FHDC1: variants seen among roughly 807,000 people sequenced by gnomAD.
FHDC1 encodes the protein FH2 domain containing 1.
A neutral mutation model predicts 52.6 loss-of-function variants in FHDC1; 25 were observed. The observed-to-expected ratio is 0.48, with a 90% CI of 0.35 to 0.66. FHDC1 has a LOEUF of 0.66. Among genes scored for constraint, FHDC1 ranks in the 30% least tolerant of loss-of-function variants. The probability of loss-of-function intolerance (pLI) is 0.01; values close to 1 mark genes in which losing one functional copy is unlikely to be tolerated. For synonymous variants in FHDC1, 616 were observed against 581.5 expected, an observed-to-expected ratio of 1.06 and a Z score of -0.85; for missense variants, 1,459 against 1,452.8, an observed-to-expected ratio of 1.00 and a Z score of -0.07.
intron 2 of FHDC1, among the ~76,000 whole-genome samples, chr4:152,948,612 C>T (rs1441914044): frequency 6.6e-6 from 1 of 152,012 alleles, no homozygotes; most frequent in Non-Finnish European, 1.5e-5. Flanking sequence ...ACCACCACGC[C>T]CAGCTAATTT....
chr4:152,960,729 T>C lies in FHDC1; in HGVS notation c.750-15T>C, dbSNP rs1162357741. The C allele has an allele frequency of 6.2e-7, 1 of 1,609,298 alleles. No individual in the cohort carries two copies. The highest frequency in any genetic ancestry group is 1.7e-5 in the Admixed American group (1 of 59,532). On this transcript the variant is annotated splice_polypyrimidine_tract_variant and intron_variant, in intron 5 of 11. Coordinates refer to ENST00000511601, the MANE Select transcript of FHDC1 (RefSeq NM_001371116.1). Reference sequence around the variant, plus strand: ...ATGACATCAAATTCTACAGTTTTACTTTTTTATTTTTCAGCTATTCACTTC... The same window carrying C: ...ATGACATCAAATTCTACAGTTTTACCTTTTTATTTTTCAGCTATTCACTTC...
At chr4:152,933,234 G>C (rs995237357), upstream of FHDC1, among the ~76,000 whole-genome samples, 3 of 152,238 alleles carry the variant, frequency 2.0e-5, no homozygotes, top group Non-Finnish European at 4.4e-5. Flanking sequence ...CTGGGCTTCA[G>C]GAGCCTTTCC....
the FHDC1 span, among the ~76,000 whole-genome samples, chr4:152,914,014 A>G: frequency 6.6e-6 from 1 of 152,076 alleles, no homozygotes; most frequent in Non-Finnish European, 1.5e-5. Flanking sequence ...AAATTTAGGT[A>G]TTTTCAAAAA....
At chr4:152,918,975 T>C in the FHDC1 span, among the ~76,000 whole-genome samples, 1 of 152,274 alleles carries the variant, frequency 6.6e-6, no homozygotes, top group African/African-American at 2.4e-5. Context: ...TTCAAAGAGC[T>C]TGGATCTAGC....
chr4:152,960,766 A>G lies in FHDC1; in HGVS notation c.772A>G (p.Met258Val), dbSNP rs1740256583. Residue 258 changes from methionine (M) to valine (V), a missense_variant, in exon 6 of 12, where the codon ATG (methionine) becomes GTG (valine). By Grantham distance (21) the Met-to-Val change is conservative. Around this residue, in one of 3 missense-constraint regions of FHDC1, gnomAD observed 513 missense variants for 581.5 expected, o/e 0.88. Transcript: ENST00000511601. ...CAGCTATTCACTTCGGATTGAAGCC[A>G]TGGTGCTAAAGAAGGAATTTCTACC... is the stretch of plus-strand genomic sequence containing the variant. ...VPNYSLRIEAMVLKKEFLPSC... is the reference protein window; with the variant it reads ...VPNYSLRIEAVVLKKEFLPSC... 1.9e-6 allele frequency: 3 copies of G among 1,613,252 alleles called. No individual in the cohort carries two copies. The highest frequency in any genetic ancestry group is 1.7e-6 in the Non-Finnish European group (2 of 1,179,880).
chr4:152,960,630 T>C lies in FHDC1; in HGVS notation c.729T>C (p.Tyr243=). ...SKLSLADSFL[Y]GLIQVPNYSL... is the part of the protein sequence containing the mutation. Reference sequence around the variant, plus strand: ...TGTCTCTGGCAGATTCCTTTCTGTATGGCTTAATTCAGGTGCCAAAGTAAG... The same window carrying C: ...TGTCTCTGGCAGATTCCTTTCTGTACGGCTTAATTCAGGTGCCAAAGTAAG... The change falls in exon 5 of 12, where the codon TAT becomes TAC. Residue 243 remains tyrosine, a synonymous_variant. Coordinates refer to ENST00000511601, the MANE Select transcript of FHDC1 (RefSeq NM_001371116.1). 2.5e-6 allele frequency: 4 copies of C among 1,614,172 alleles called. No individual in the cohort carries two copies. The highest frequency in any genetic ancestry group is 3.4e-6 in the Non-Finnish European group (4 of 1,180,026).
At chr4:152,927,432 T>G in the FHDC1 span, 2 of 790,420 alleles carry the variant, frequency 2.5e-6, no homozygotes, top group Non-Finnish European at 4.7e-6. Context: ...ATAGTGGCGA[T>G]TGGTTGTTTC....
At position 152,975,776 on chromosome 4, in the gene FHDC1, C is replaced by T. The variant is rs768522049; in HGVS notation, c.2485C>T (p.Pro829Ser). Residue 829 changes from proline (P) to serine (S), a missense_variant, in exon 12 of 12, where the codon CCT becomes TCT. Around this residue, in one of 3 missense-constraint regions of FHDC1, gnomAD observed 939 missense variants for 854.5 expected, o/e 1.10. Coordinates refer to ENST00000511601, the MANE Select transcript of FHDC1 (RefSeq NM_001371116.1). ...CTCCTCCAACCCTACATCCAGCCCC[C>T]CTGGGGAGGCTCCTGCCCCCGTCTC... ...QVSSNPTSSP[P>S]GEAPAPVSVD... The T allele has an allele frequency of 6.4e-7, 1 of 1,554,808 alleles. No individual in the cohort carries two copies. The highest frequency in any genetic ancestry group is 2.3e-5 in the East Asian group (1 of 44,290).
chr4:152,943,538 AGAGAAGCTC>A lies in FHDC1; in HGVS notation c.488_496del (p.Ala163_Glu165del), dbSNP rs1205938907. On this transcript the variant is annotated inframe_deletion, in exon 2 of 12. Coordinates refer to ENST00000511601, the MANE Select transcript of FHDC1 (RefSeq NM_001371116.1). The stretch of plus-strand genomic sequence containing the variant: ...AGGAAGAACTTTAAATTCATCCTTC[AGAGAAGCTC>A]GAGAAGAGGTAAGAATGCAAGGTGG... 6.2e-7 allele frequency: 1 copy of A among 1,612,692 alleles called. No individual in the cohort carries two copies. Among genetic ancestry groups the A allele is most frequent in the South Asian group, 1.1e-5 (1 of 90,942 alleles).
At chr4:152,974,598 C>G in intron 11 of FHDC1, 77 bp from the exon 12 acceptor site, 11 of 1,480,330 alleles carry the variant, frequency 7.4e-6, no homozygotes, top group Non-Finnish European at 8.1e-6. Flanking sequence ...TTCTTTGGCT[C>G]TTAGCGTAGG....
At chr4:152,929,993 C>T in the FHDC1 span, among the ~76,000 whole-genome samples, 1 of 152,274 alleles carries the variant, frequency 6.6e-6, no homozygotes, top group Admixed American at 6.5e-5. This position sits in a 1 kb window ranked among gnomAD's most constrained non-coding sequence, Gnocchi z 4.1. Context: ...AAAACAATTC[C>T]ATTTGACAGT....
chr4:152,954,014 TG>T (rs1464894789), intron 3 of FHDC1, among the ~76,000 whole-genome samples: 1 of 152,244 alleles, frequency 6.6e-6, no homozygotes, highest in Non-Finnish European at 1.5e-5. Context: ...GATGGTGCTC[TG>T]GGTGAAGGGC....
At chr4:152,969,821 C>A (rs1740583040) in intron 10 of FHDC1, among the ~76,000 whole-genome samples, 1 of 152,082 alleles carries the variant, frequency 6.6e-6, no homozygotes, top group South Asian at 2.1e-4. Context: ...AGGCGCATGT[C>A]ACCACACCAG....
chr4:152,949,124 T>TAAG (rs201070214), intron 2 of FHDC1, among the ~76,000 whole-genome samples: 1,281 of 74,632 alleles, frequency 0.017, 16 homozygotes, highest in Middle Eastern at 0.038. Flanking sequence ...ATAATAATAA[T>TAAG]AAGAAGAAGA....
chr4:152,974,655 G>A lies in FHDC1; in HGVS notation c.1384-20G>A. On this transcript the variant is annotated intron_variant, in intron 11 of 11. Coordinates refer to ENST00000511601, the MANE Select transcript of FHDC1 (RefSeq NM_001371116.1). ...GTCCCACATGTCTCATGCATCTTCG[G>A]GCTTCTCTCCATCCCTCAGGACAAC... 6.7e-7 allele frequency: 1 copy of A among 1,503,004 alleles called. No individual in the cohort carries two copies. The highest frequency in any genetic ancestry group is 1.4e-5 in the African/African-American group (1 of 71,514). 93.1% of individuals were successfully genotyped at this position (1,503,004 alleles called of 1,614,324 possible).
chr4:152,957,232 G>C (rs764566656), intron 4 of FHDC1, among the ~76,000 whole-genome samples: 11 of 152,244 alleles, frequency 7.2e-5, no homozygotes, highest in Non-Finnish European at 1.5e-4. Flanking sequence ...GCACAAGTAA[G>C]GACTAAACCT....
Position 152,943,124 on chromosome 4 carries a change from G to T in FHDC1, c.67G>T (p.Gly23Ter), listed in dbSNP as rs1462834049. The change falls in exon 2 of 12, where the codon GGA (glycine) becomes TGA (stop). Residue 23 changes from glycine (G) to a stop codon, truncating the protein, a stop_gained. Transcript: ENST00000511601. LOFTEE classifies it high-confidence loss of function. ...KENGNIATAP[G>*]FMIGQTPPPA... is the part of the protein sequence containing the mutation. ...AAATGGGAATATTGCCACAGCACCTGGATTCATGATTGGGCAGACACCTCC... is the reference window on the plus strand; with the variant it reads ...AAATGGGAATATTGCCACAGCACCTTGATTCATGATTGGGCAGACACCTCC... The T allele has an allele frequency of 1.2e-6, 2 of 1,613,964 alleles. No individual in the cohort carries two copies. Among genetic ancestry groups the T allele is most frequent in the Non-Finnish European group, 1.7e-6 (2 of 1,180,026 alleles).
intron 2 of FHDC1, among the ~76,000 whole-genome samples, chr4:152,947,361 G>T (rs1484954003): frequency 6.6e-6 from 1 of 152,142 alleles, no homozygotes; most frequent in African/African-American, 2.4e-5. Context: ...AAAGCAATTA[G>T]AAATAAAGAC....
Position 152,976,521 on chromosome 4 carries a change from A to T in FHDC1, c.3230A>T (p.Asp1077Val). The T allele has an allele frequency of 6.2e-7, 1 of 1,613,176 alleles. No individual in the cohort carries two copies. The highest frequency in any genetic ancestry group is 1.1e-5 in the South Asian group (1 of 91,068). Residue 1077 changes from aspartate (D) to valine (V), a missense_variant, in exon 12 of 12, where the codon GAT (aspartate) becomes GTT (valine). Physicochemically the swap from Asp to Val is radical, Grantham distance 152. This residue lies in a region of FHDC1 where 939 missense variants were observed against 854.5 expected (regional missense o/e 1.10). Transcript: ENST00000511601. ...CTGAGGGTGAAAGGGGACCCCGAGG[A>T]TGCCGCTCCCAAGGACAGCAGCACT... ...RQLRVKGDPE[D>V]AAPKDSSTLR...
Sources: gnomAD v4.1 joint callset for allele counts (sites outside exome capture counted in the v4.1 genomes callset) on GRCh38, gnomAD v4.1.1 for gene constraint, gnomAD v4.1.1 regional missense constraint, Gnocchi (gnomAD v3.1) non-coding constraint, MANE v1.5 for transcripts, NCBI Gene and HGNC (gene_info 2026-07-23, HGNC 2026-07-21) for gene names.